NRGN: variants seen among roughly 807,000 people sequenced by gnomAD.
The protein encoded by NRGN is neurogranin.
For missense variants in NRGN, 82 were observed against 123.0 expected (o/e 0.67, Z 1.58); for synonymous variants, 47 against 52.8 (o/e 0.89, Z 0.47).
chr11:124,740,645 G>A lies in NRGN; in HGVS notation c.15+546G>A, dbSNP rs1943959376. Among the ~76,000 whole-genome samples, 1 of 152,258 alleles carries A rather than the reference G, an allele frequency of 6.6e-6. No homozygotes were observed. ...AAGAGCCTAGTCAGGGTGGTTCTGG[G>A]GAGGGGTTGTCCCGGCCCCCAAGGC... On this transcript the variant is annotated intron_variant, in intron 1 of 3. Transcript: ENST00000284292. The surrounding 1 kb of genome is among the most constrained non-coding windows in gnomAD (Gnocchi z 7.5).
chr11:124,745,712 C>A lies in NRGN; in HGVS notation c.225C>A (p.Pro75=). 7.2e-7 allele frequency: 1 copy of A among 1,384,602 alleles called. No homozygotes were observed. The highest frequency in any genetic ancestry group is 9.3e-7 in the Non-Finnish European group (1 of 1,074,950). The allele number at this position is 1,384,602 out of a possible 1,614,324, so 85.8% of individuals were successfully genotyped here. Residue 75 remains proline, a synonymous_variant, in exon 2 of 4, where the codon CCC becomes CCA. Coordinates refer to ENST00000284292, the MANE Select transcript of NRGN (RefSeq NM_006176.3). The surrounding 1 kb of genome is among the most constrained non-coding windows in gnomAD (Gnocchi z 6.4). ...CCCGGGGAGGCGCGGGCGGCGGCCC[C>A]AGCGGAGACTAGGCCAGGTGAGGCG... ...GVARGGAGGG[P]SGD
At chr11:124,742,854 T>C (rs2134445005) in intron 1 of NRGN, among the ~76,000 whole-genome samples, 1 of 152,300 alleles carries the variant, frequency 6.6e-6, no homozygotes, top group South Asian at 2.1e-4. Flanking sequence ...GAAGGAGACT[T>C]TGTTCATTAG....
rs56291708 is a variant in NRGN at position 124,743,902 on chromosome 11, G to GAAAAAAAAAAAAAA, written c.16-1590_16-1589insAAAAAAAAAAAAAA. ...AAAGCAGTGGAAGACTTCATGAAAA[G>GAAAAAAAAAAAAAA]AAAAAAAAAAAGAAGGAGGCAAATT... On this transcript the variant is annotated intron_variant, in intron 1 of 3. Transcript: ENST00000284292. Among the ~76,000 whole-genome samples, 91 of 134,920 alleles carry GAAAAAAAAAAAAAA rather than the reference G, an allele frequency of 6.7e-4. 7 individuals carry two copies. Among genetic ancestry groups the GAAAAAAAAAAAAAA allele is most frequent in the African/African-American group, 1.3e-3 (44 of 34,486 alleles). The allele number at this position is 134,920 out of a possible 152,430, so 88.5% of individuals were successfully genotyped here. A position where few individuals can be genotyped will look rare whatever the true frequency, so the allele number is the denominator to read the frequency against.
chr11:124,745,403 C>A lies in NRGN; in HGVS notation c.16-100C>A. ...CACCCCTCTCTGTACCTCCCACCCC[C>A]GCGTCGCCATAGTCCCTGTCCCTCA... On this transcript the variant is annotated intron_variant, in intron 1 of 3. Coordinates refer to ENST00000284292, the MANE Select transcript of NRGN (RefSeq NM_006176.3). The surrounding 1 kb of genome is among the most constrained non-coding windows in gnomAD (Gnocchi z 6.4). 1 of 774,370 alleles carries A rather than the reference C, an allele frequency of 1.3e-6. No individual in the cohort carries two copies. Among genetic ancestry groups the A allele is most frequent in the East Asian group, 3.1e-5 (1 of 32,466 alleles). 48.0% of individuals were successfully genotyped at this position (774,370 alleles called of 1,614,324 possible).
At position 124,746,645 on chromosome 11, in the gene NRGN, A is replaced by T. The variant is rs1258605246; in HGVS notation, c.*265A>T. 1.3e-5 allele frequency: 2 copies of T among 152,302 alleles called. No individual in the cohort carries two copies. Among genetic ancestry groups the T allele is most frequent in the African/African-American group, 4.8e-5 (2 of 41,266 alleles). 9.4% of individuals were successfully genotyped at this position (152,302 alleles called of 1,614,324 possible). On this transcript the variant is annotated 3_prime_UTR_variant, in exon 4 of 4. Coordinates refer to ENST00000284292, the MANE Select transcript of NRGN (RefSeq NM_006176.3). ...ACCCCACCCTAAACCATGCGCTCCC[A>T]ATCTTCCTTCTTTTGCTTCTCGCCC... is the stretch of plus-strand genomic sequence containing the variant.
rs1591420598 is a variant in NRGN, at chr11:124,739,978, G to A, written c.-107G>A. Reference sequence around the variant, plus strand: ...GAGAGCAGAGCTGCTGTTTCGGCGCGGGTCGGCTGGCGGCCGACTGCCCCA... The same window carrying A: ...GAGAGCAGAGCTGCTGTTTCGGCGCAGGTCGGCTGGCGGCCGACTGCCCCA... On this transcript the variant is annotated 5_prime_UTR_variant, in exon 1 of 4. Transcript: ENST00000284292. The A allele has an allele frequency of 6.1e-6, 3 of 494,972 alleles. No individual in the cohort carries two copies. The highest frequency in any genetic ancestry group is 1.0e-5 in the Non-Finnish European group (3 of 286,198). The allele number at this position is 494,972 out of a possible 1,614,324, so 30.7% of individuals were successfully genotyped here.
At position 124,745,481 on chromosome 11, in the gene NRGN, A is replaced by G; in HGVS notation, c.16-22A>G. On this transcript the variant is annotated intron_variant, in intron 1 of 3. Transcript: ENST00000284292. This position sits in a 1 kb window ranked among gnomAD's most constrained non-coding sequence, Gnocchi z 6.4. ...GATCAAGACCCAGTGACCCCACAAG[A>G]ACCCCCCTGCTTCGCCCCCAGGAGA... The G allele has an allele frequency of 6.5e-7, 1 of 1,543,384 alleles. No homozygotes were observed. Among genetic ancestry groups the G allele is most frequent in the Non-Finnish European group, 8.7e-7 (1 of 1,144,666 alleles).
chr11:124,745,822 G>A lies in NRGN; in HGVS notation c.*5+93G>A. On this transcript the variant is annotated intron_variant, in intron 2 of 3. Coordinates refer to ENST00000284292, the MANE Select transcript of NRGN (RefSeq NM_006176.3). The surrounding 1 kb of genome is among the most constrained non-coding windows in gnomAD (Gnocchi z 6.4). ...AATAAGGGCGGGTTGGAGGTGCAGG[G>A]GGCGTGGAGGGAGCTAAGGGTTGGG... is the stretch of plus-strand genomic sequence containing the variant. 1 of 614,706 alleles carries A rather than the reference G, an allele frequency of 1.6e-6. No homozygotes were observed. The highest frequency in any genetic ancestry group is 3.6e-5 in the East Asian group (1 of 27,772). The allele number at this position is 614,706 out of a possible 1,614,324, so 38.1% of individuals were successfully genotyped here.
chr11:124,746,070 C>T, intron 3 of NRGN, 88 bp downstream of exon 3: 1 of 202,488 alleles, frequency 4.9e-6, no homozygotes, highest in Non-Finnish European at 9.9e-6. Flanking sequence ...TGCCCACCCT[C>T]ACCCCTCCCA....
rs1943996908 is a variant in NRGN at position 124,745,027 on chromosome 11, C to T, written c.16-476C>T. On this transcript the variant is annotated intron_variant, in intron 1 of 3. Coordinates refer to ENST00000284292, the MANE Select transcript of NRGN (RefSeq NM_006176.3). The surrounding 1 kb of genome is among the most constrained non-coding windows in gnomAD (Gnocchi z 6.4). ...TTCCAGCTGTGAGCTTTCTGCATTT[C>T]TACTGGGGAGAGGGCTGGCGGACTG... 2 of 153,942 alleles carry T rather than the reference C, an allele frequency of 1.3e-5. No homozygotes were observed. The highest frequency in any genetic ancestry group is 4.8e-5 in the African/African-American group (2 of 41,512). 9.5% of individuals were successfully genotyped at this position (153,942 alleles called of 1,614,324 possible).
chr11:124,744,153 G>A (rs1308858781), intron 1 of NRGN, among the ~76,000 whole-genome samples: 1 of 152,204 alleles, frequency 6.6e-6, no homozygotes, highest in African/African-American at 2.4e-5. Flanking sequence ...CAGAAACCTA[G>A]TTTGGGGCAT....
chr11:124,745,561 G>A lies in NRGN; in HGVS notation c.74G>A (p.Gly25Asp), dbSNP rs61910621. Residue 25 changes from glycine to aspartate, a missense_variant, in exon 2 of 4, where the codon GGC (glycine) becomes GAC (aspartate). Gly to Asp is a moderately conservative substitution (Grantham distance 94). Coordinates refer to ENST00000284292, the MANE Select transcript of NRGN (RefSeq NM_006176.3). This position sits in a 1 kb window ranked among gnomAD's most constrained non-coding sequence, Gnocchi z 6.4. Reference sequence around the variant, plus strand: ...CTAGACATCCCGCTGGACGATCCCGGCGCCAACGCGGCCGCCGCCAAAATC... The same window carrying A: ...CTAGACATCCCGCTGGACGATCCCGACGCCAACGCGGCCGCCGCCAAAATC... ...DILDIPLDDP[G>D]ANAAAAKIQA... 6.2e-7 allele frequency: 1 copy of A among 1,605,960 alleles called. No individual in the cohort carries two copies. The highest frequency in any genetic ancestry group is 8.5e-7 in the Non-Finnish European group (1 of 1,177,410).
rs1944011495 is a variant in NRGN at position 124,746,395 on chromosome 11, T to G, written c.*24-9T>G. ...AGAGGGCAGGTTCTCAGACCTTTTC[T>G]CTCCTCAGTTCCCGAGGAGAGATGG... is the stretch of plus-strand genomic sequence containing the variant. On this transcript the variant is annotated splice_polypyrimidine_tract_variant and intron_variant, in intron 3 of 3. Transcript: ENST00000284292. The G allele has an allele frequency of 6.6e-6, 1 of 152,516 alleles. No homozygotes were observed. Among genetic ancestry groups the G allele is most frequent in the Admixed American group, 6.5e-5 (1 of 15,286 alleles). The allele number at this position is 152,516 out of a possible 1,614,324, so 9.4% of individuals were successfully genotyped here. A position where few individuals can be genotyped will look rare whatever the true frequency, so the allele number is the denominator to read the frequency against.
intron 1 of NRGN, among the ~76,000 whole-genome samples, chr11:124,741,312 T>C (rs1242363322): frequency 3.3e-5 from 5 of 152,176 alleles, no homozygotes; most frequent in African/African-American, 1.2e-4. Context: ...GCATGACTCC[T>C]AACTGTGGAG....
At position 124,747,069 on chromosome 11, in the gene NRGN, G is replaced by GGCCCC. The variant is rs1370605914; in HGVS notation, c.*700_*704dup. On this transcript the variant is annotated 3_prime_UTR_variant, in exon 4 of 4. Coordinates refer to ENST00000284292, the MANE Select transcript of NRGN (RefSeq NM_006176.3). The stretch of plus-strand genomic sequence containing the variant: ...AGGCTCGGTAGGAGGAGTCTTCCAC[G>GGCCCC]GCCCCGCCCCGCCCCTGTCGGTCCC... The GGCCCC allele has an allele frequency of 2.0e-5, 3 of 153,038 alleles. No homozygotes were observed. Among genetic ancestry groups the GGCCCC allele is most frequent in the Non-Finnish European group, 2.9e-5 (2 of 68,608 alleles). 9.5% of individuals were successfully genotyped at this position (153,038 alleles called of 1,614,324 possible). A position where few individuals can be genotyped will look rare whatever the true frequency, so the allele number is the denominator to read the frequency against.
At position 124,743,902 on chromosome 11, in the gene NRGN, G is replaced by GAAAAA. The variant is rs56291708; in HGVS notation, c.16-1594_16-1590dup. Among the ~76,000 whole-genome samples, 894 of 134,924 alleles carry GAAAAA rather than the reference G, an allele frequency of 6.6e-3. 15 individuals are homozygous for GAAAAA. The East Asian group carries it at 0.079, about 12-fold the overall frequency. 88.5% of individuals were successfully genotyped at this position (134,924 alleles called of 152,430 possible). A position where few individuals can be genotyped will look rare whatever the true frequency, so the allele number is the denominator to read the frequency against. Reference sequence around the variant, plus strand: ...AAAGCAGTGGAAGACTTCATGAAAAGAAAAAAAAAAAGAAGGAGGCAAATT... The same window carrying GAAAAA: ...AAAGCAGTGGAAGACTTCATGAAAAGAAAAAAAAAAAAAAAAGAAGGAGGCAAATT... On this transcript the variant is annotated intron_variant, in intron 1 of 3. Transcript: ENST00000284292.
chr11:124,744,411 G>T (rs1033825232), intron 1 of NRGN, among the ~76,000 whole-genome samples: 8 of 152,222 alleles, frequency 5.3e-5, no homozygotes, highest in African/African-American at 1.7e-4. Flanking sequence ...GCTGAGATAG[G>T]AAAAGATTAG....
In NRGN at chr11:124,745,806, G is replaced by T. The variant is rs1028679788; in HGVS notation, c.*5+77G>T. 1.2e-6 allele frequency: 1 copy of T among 802,462 alleles called. No homozygotes were observed. The highest frequency in any genetic ancestry group is 3.6e-5 in the Admixed American group (1 of 27,506). 49.7% of individuals were successfully genotyped at this position (802,462 alleles called of 1,614,324 possible). Reference sequence around the variant, plus strand: ...CCAGGAGCAGGGGGAGAATAAGGGCGGGTTGGAGGTGCAGGGGGCGTGGAG... The same window carrying T: ...CCAGGAGCAGGGGGAGAATAAGGGCTGGTTGGAGGTGCAGGGGGCGTGGAG... On this transcript the variant is annotated intron_variant, in intron 2 of 3. Transcript: ENST00000284292. The surrounding 1 kb of genome is among the most constrained non-coding windows in gnomAD (Gnocchi z 6.4).
intron 1 of NRGN, among the ~76,000 whole-genome samples, chr11:124,742,028 T>A (rs532301433): frequency 6.6e-6 from 1 of 152,178 alleles, no homozygotes; most frequent in Non-Finnish European, 1.5e-5. Context: ...CAGTGCACCC[T>A]GTGCACAGGA....
Sources: allele counts gnomAD v4.1 joint callset (sites outside exome capture counted in the v4.1 genomes callset), GRCh38; gene constraint gnomAD v4.1.1; non-coding constraint Gnocchi (gnomAD v3.1); transcripts MANE v1.5; gene names NCBI Gene and HGNC (gene_info 2026-07-23, HGNC 2026-07-21).